MYO3B: variants seen among roughly 807,000 people sequenced by gnomAD.
MYO3B encodes myosin IIIB, also known as myosin-IIIb.
In MYO3B, 156 loss-of-function variants were observed where a neutral mutation model predicts 174.6. The observed-to-expected ratio is 0.89, with a 90% CI of 0.78 to 1.02. MYO3B has a LOEUF of 1.02. Ranked by LOEUF, MYO3B falls within the 50% of genes least tolerant of loss-of-function variation. The pLI is 0.00. For synonymous variants in MYO3B, 563 were observed against 569.1 expected (o/e 0.99, Z 0.15); for missense variants, 1,632 against 1,639.4 (o/e 1.00, Z 0.08).
chr2:170,401,064 T>C lies in MYO3B; in HGVS notation c.1919-417T>C, dbSNP rs376650045. Among the ~76,000 whole-genome samples, 113 of 152,260 alleles carry C rather than the reference T, an allele frequency of 7.4e-4. No individual in the cohort carries two copies. The South Asian group carries it at 0.023, about 31-fold the overall frequency. On this transcript the variant is annotated intron_variant, in intron 17 of 34. Coordinates refer to ENST00000408978, the MANE Select transcript of MYO3B (RefSeq NM_138995.5). Reference sequence around the variant, plus strand: ...TTTAAAGTTCCACGGGTAATTATGGTGGCACAAAGAGTGAGAATCCTCAAA... The same window carrying C: ...TTTAAAGTTCCACGGGTAATTATGGCGGCACAAAGAGTGAGAATCCTCAAA...
chr2:170,477,576 A>C (rs1346367011), intron 25 of MYO3B, among the ~76,000 whole-genome samples: 1 of 151,932 alleles, frequency 6.6e-6, no homozygotes, highest in Non-Finnish European at 1.5e-5. Context: ...GCAAATAAAC[A>C]TTCTTAGTGG....
Position 170,569,840 on chromosome 2 carries a change from G to A in MYO3B, c.3733+25852G>A, listed in dbSNP as rs13403496. Among the ~76,000 whole-genome samples the A allele has an allele frequency of 9.8e-3, 1,419 of 145,292 alleles. 27 individuals carry two copies. Among genetic ancestry groups the A allele is most frequent in the African/African-American group, 0.034 (1,310 of 38,884 alleles). ...TGCACCACAGCACTCCAGCCTGGGCGACAGAGCAAGGCTCTATCTCGAAAA... is the reference window on the plus strand; with the variant it reads ...TGCACCACAGCACTCCAGCCTGGGCAACAGAGCAAGGCTCTATCTCGAAAA... On this transcript the variant is annotated intron_variant, in intron 32 of 34. Transcript: ENST00000408978.
At chr2:170,354,080 T>C (rs1273823509) in intron 8 of MYO3B, among the ~76,000 whole-genome samples, 1 of 152,236 alleles carries the variant, frequency 6.6e-6, no homozygotes, top group Non-Finnish European at 1.5e-5. Flanking sequence ...CTGTTACCTG[T>C]CCTTGGCAAC....
chr2:170,485,132 A>G (rs572979415), intron 25 of MYO3B, among the ~76,000 whole-genome samples: 2 of 152,114 alleles, frequency 1.3e-5, no homozygotes, highest in Admixed American at 6.6e-5. Flanking sequence ...TGCAAGTAAT[A>G]TTGATCAAAT....
intron 7 of MYO3B, among the ~76,000 whole-genome samples, chr2:170,313,846 C>T (rs1488661036): frequency 3.9e-5 from 6 of 152,014 alleles, no homozygotes; most frequent in South Asian, 2.1e-4. Flanking sequence ...TCAATAGTAG[C>T]GGGTGAAACA....
chr2:170,226,237 G>A (rs2092950710), intron 6 of MYO3B, among the ~76,000 whole-genome samples: 2 of 152,212 alleles, frequency 1.3e-5, no homozygotes, highest in African/African-American at 4.8e-5. Context: ...GAGCTCAGGA[G>A]AGTTAAATGA....
intron 32 of MYO3B, among the ~76,000 whole-genome samples, chr2:170,604,120 A>G (rs930602130): frequency 5.3e-5 from 8 of 152,210 alleles, no homozygotes; most frequent in African/African-American, 1.4e-4. Context: ...AATGAAGACA[A>G]AATTGTCTAG....
At chr2:170,642,175 A>AG (rs1698023793) in intron 32 of MYO3B, among the ~76,000 whole-genome samples, 1 of 150,092 alleles carries the variant, frequency 6.7e-6, no homozygotes, top group Non-Finnish European at 1.5e-5. Context: ...AATGGTGAAT[A>AG]GTCAGTATTC....
intron 7 of MYO3B, among the ~76,000 whole-genome samples, chr2:170,307,204 C>T (rs1239291781): frequency 7.9e-6 from 1 of 126,704 alleles, no homozygotes; most frequent in African/African-American, 3.0e-5. Context: ...GATCATGTCA[C>T]TGTACTCCAG....
intron 32 of MYO3B, among the ~76,000 whole-genome samples, chr2:170,625,478 A>G (rs534543904): frequency 1.9e-4 from 29 of 152,192 alleles, no homozygotes; most frequent in African/African-American, 6.3e-4. Context: ...CAGTCTATCA[A>G]TTTTGTTGAT....
chr2:170,542,982 G>C lies in MYO3B; in HGVS notation c.3636+16G>C. On this transcript the variant is annotated intron_variant, in intron 31 of 34. Coordinates refer to ENST00000408978, the MANE Select transcript of MYO3B (RefSeq NM_138995.5). ...TGCAAACAAGGTAGCTGGATATCTTGATTCCAAAGTAAATGTGTATCACTC... is the reference window on the plus strand; with the variant it reads ...TGCAAACAAGGTAGCTGGATATCTTCATTCCAAAGTAAATGTGTATCACTC... 1 of 1,602,484 alleles carries C rather than the reference G, an allele frequency of 6.2e-7. No individual in the cohort carries two copies. Among genetic ancestry groups the C allele is most frequent in the South Asian group, 1.1e-5 (1 of 88,796 alleles).
chr2:170,426,829 C>T (rs531582431), intron 22 of MYO3B, among the ~76,000 whole-genome samples: 8 of 151,800 alleles, frequency 5.3e-5, no homozygotes, highest in African/African-American at 1.7e-4. Context: ...ACCAGCCTGG[C>T]CAATATAGTG....
intron 7 of MYO3B, among the ~76,000 whole-genome samples, chr2:170,301,032 C>T (rs2093662155): frequency 6.6e-6 from 1 of 152,194 alleles, no homozygotes; most frequent in Non-Finnish European, 1.5e-5. Flanking sequence ...ATCTTTGTGT[C>T]TTGCCTGTTG....
At chr2:170,433,866 C>T (rs1300195551) in intron 22 of MYO3B, among the ~76,000 whole-genome samples, 2 of 152,320 alleles carry the variant, frequency 1.3e-5, no homozygotes, top group South Asian at 2.1e-4. Context: ...CAGCACAGCA[C>T]GTGACTGTAT....
intron 22 of MYO3B, 90 bp from the exon 23 acceptor site, chr2:170,443,877 A>G: frequency 9.3e-7 from 1 of 1,071,046 alleles, no homozygotes; most frequent in Non-Finnish European, 1.3e-6. Context: ...GAAAATTCAG[A>G]AAAATACAAG....
intron 30 of MYO3B, among the ~76,000 whole-genome samples, chr2:170,528,126 A>T (rs1347375224): frequency 6.6e-6 from 1 of 152,248 alleles, no homozygotes; most frequent in Non-Finnish European, 1.5e-5. Flanking sequence ...TCCTAATTAA[A>T]CAAGTGAAGG....
At chr2:170,550,997 C>T (rs1055648199) in intron 32 of MYO3B, among the ~76,000 whole-genome samples, 1 of 139,952 alleles carries the variant, frequency 7.1e-6, no homozygotes, top group East Asian at 2.0e-4. Flanking sequence ...CTCCTGGATT[C>T]AAGCTTTTCT....
chr2:170,205,201 T>C (rs116404965), intron 3 of MYO3B, among the ~76,000 whole-genome samples: 133 of 152,324 alleles, frequency 8.7e-4, no homozygotes, highest in Non-Finnish European at 1.5e-3. Flanking sequence ...TGCTGACAAA[T>C]AGCTACTCTT....
In MYO3B at chr2:170,520,464, C is replaced by CAT. The variant is rs1688608294; in HGVS notation, c.3575+925_3575+926insTA. On this transcript the variant is annotated intron_variant, in intron 30 of 34. Coordinates refer to ENST00000408978, the MANE Select transcript of MYO3B (RefSeq NM_138995.5). ...ATATATACACATATATATATACACA[C>CAT]ACATATATATACACATATATATATA... is the stretch of plus-strand genomic sequence containing the variant. Among the ~76,000 whole-genome samples the CAT allele has an allele frequency of 2.0e-5, 3 of 148,570 alleles. No individual in the cohort carries two copies. In the South Asian group the frequency reaches 6.4e-4, roughly 32 times the overall value.
Sources: gnomAD v4.1 joint callset for allele counts (sites outside exome capture counted in the v4.1 genomes callset) on GRCh38, gnomAD v4.1.1 for gene constraint, MANE v1.5 for transcripts, NCBI Gene and HGNC (gene_info 2026-07-23, HGNC 2026-07-21) for gene names.